The following ALK variants were observed in gnomAD, a reference collection of about 807,000 sequenced individuals.
ALK encodes ALK receptor tyrosine kinase, also known as ALK tyrosine kinase receptor.
Under a neutral mutation model 163.1 loss-of-function variants are expected in ALK, and 74 were observed. The observed-to-expected ratio is 0.45, with a 90% CI of 0.38 to 0.55. The LOEUF (loss-of-function observed/expected upper bound fraction) is 0.55. ALK is among the 20% of genes least tolerant of loss of function. The pLI, the probability that ALK is intolerant of heterozygous loss-of-function variation, is 0.00. For missense variants in ALK, 2,063 were observed against 2,105.3 expected (o/e 0.98, Z 0.39); for synonymous variants, 960 against 843.2 (o/e 1.14, Z -2.40).
At chr2:29,419,376 C>T (rs1268453379) in intron 4 of ALK, among the ~76,000 whole-genome samples, 2 of 151,454 alleles carry the variant, frequency 1.3e-5, no homozygotes, top group Non-Finnish European at 2.9e-5. Context: ...TCCCCATGTG[C>T]TTATAATACA....
At chr2:29,747,763 C>T (rs1680242672) in intron 1 of ALK, among the ~76,000 whole-genome samples, 2 of 152,198 alleles carry the variant, frequency 1.3e-5, no homozygotes, top group Admixed American at 1.3e-4. Context: ...CCCTCCCCCA[C>T]CACCAAATCC....
At chr2:29,744,681 G>T (rs1160479382) in intron 1 of ALK, among the ~76,000 whole-genome samples, 1 of 152,128 alleles carries the variant, frequency 6.6e-6, no homozygotes, top group Admixed American at 6.5e-5. Flanking sequence ...GCTCATGGCA[G>T]CCTCGACCTT....
intron 3 of ALK, among the ~76,000 whole-genome samples, chr2:29,590,846 C>T (rs959457462): frequency 6.6e-6 from 1 of 151,780 alleles, no homozygotes; most frequent in Admixed American, 6.6e-5. Flanking sequence ...CCGAGACGGG[C>T]GGATCACGAG....
intron 9 of ALK, among the ~76,000 whole-genome samples, chr2:29,292,406 A>G (rs1449630024): frequency 1.3e-5 from 2 of 152,240 alleles, no homozygotes; most frequent in Non-Finnish European, 2.9e-5. Flanking sequence ...AACTAGGGGT[A>G]TATCTCTGCA....
intron 2 of ALK, among the ~76,000 whole-genome samples, chr2:29,714,717 A>AT (rs1426481337): frequency 6.6e-6 from 1 of 152,138 alleles, no homozygotes; most frequent in Non-Finnish European, 1.5e-5. Flanking sequence ...TCAGGCAGCA[A>AT]TTTTCCAGTC....
At chr2:29,725,242 T>G (rs537120065) in intron 1 of ALK, among the ~76,000 whole-genome samples, 168 of 151,460 alleles carry the variant, frequency 1.1e-3, no homozygotes, top group Non-Finnish European at 1.9e-3. Context: ...CTCTGGCCAC[T>G]GTTTGCCTTT....
At position 29,581,277 on chromosome 2, in the gene ALK, G is replaced by T. The variant is rs184737920; in HGVS notation, c.953-49161C>A. On this transcript the variant is annotated intron_variant, in intron 3 of 28. Transcript: ENST00000389048. ...GTGACACGCGCCTATAGTCCCAGCT[G>T]CTCGGGAGGCTGAGGCAGGAGAATC... is the stretch of plus-strand genomic sequence containing the variant. 4.5e-3 allele frequency among the ~76,000 whole-genome samples: 678 copies of T among 152,254 alleles called. 4 individuals carry two copies. The highest frequency in any genetic ancestry group is 0.01 in the Middle Eastern group (3 of 294).
chr2:29,778,264 T>C (rs1464992754), intron 1 of ALK, among the ~76,000 whole-genome samples: 1 of 152,200 alleles, frequency 6.6e-6, no homozygotes, highest in African/African-American at 2.4e-5. Context: ...TCCAATGCTG[T>C]TGATGGCAGT....
At chr2:29,558,696 G>C (rs1278016940) in intron 3 of ALK, among the ~76,000 whole-genome samples, 4 of 151,978 alleles carry the variant, frequency 2.6e-5, no homozygotes, top group African/African-American at 9.7e-5. Context: ...CCAAATCTTT[G>C]GGTGCAATAT....
intron 9 of ALK, among the ~76,000 whole-genome samples, chr2:29,288,544 T>A (rs555786956): frequency 6.6e-6 from 1 of 152,342 alleles, no homozygotes; most frequent in East Asian, 1.9e-4. Flanking sequence ...TTCTTTCATA[T>A]CAGCTGCTGA....
At chr2:29,910,966 C>A (rs567669319) in intron 1 of ALK, among the ~76,000 whole-genome samples, 2 of 151,082 alleles carry the variant, frequency 1.3e-5, no homozygotes, top group East Asian at 1.9e-4. Context: ...ATACTCTGGA[C>A]GAAACAACAA....
At chr2:29,740,851 A>C (rs1458502250) in intron 1 of ALK, among the ~76,000 whole-genome samples, 1 of 152,022 alleles carries the variant, frequency 6.6e-6, no homozygotes, top group Non-Finnish European at 1.5e-5. Context: ...AAAACACAAA[A>C]ATTAGCCAGG....
chr2:29,290,869 G>T (rs369023516), intron 9 of ALK, among the ~76,000 whole-genome samples: 3 of 152,262 alleles, frequency 2.0e-5, no homozygotes, highest in Admixed American at 6.5e-5. Context: ...AGGATAAGGG[G>T]AGACTCCAGC....
At chr2:29,847,192 T>G (rs1010141041) in intron 1 of ALK, among the ~76,000 whole-genome samples, 1 of 152,158 alleles carries the variant, frequency 6.6e-6, no homozygotes, top group Non-Finnish European at 1.5e-5. Context: ...TTCTCATCTA[T>G]GAATAGGCAG....
chr2:29,396,696 C>CAAA (rs1001749780), intron 4 of ALK, among the ~76,000 whole-genome samples: 16 of 151,324 alleles, frequency 1.1e-4, no homozygotes, highest in African/African-American at 3.9e-4. Flanking sequence ...CAAAAACAAA[C>CAAA]AAAAAAAACC....
intron 11 of ALK, among the ~76,000 whole-genome samples, chr2:29,251,991 C>T (rs937093136): frequency 2.0e-5 from 3 of 152,212 alleles, no homozygotes; most frequent in Non-Finnish European, 4.4e-5. Context: ...GCAACGAAGA[C>T]AGCTTTCAGG....
At position 29,756,529 on chromosome 2, in the gene ALK, A is replaced by ATTT. The variant is rs35599126; in HGVS notation, c.668-38835_668-38833dup. ...AGTACAGTAGATCATTTACTCATTG[A>ATTT]TTTTTTTTTTTTTTTTTGAGACAGA... is the stretch of plus-strand genomic sequence containing the variant. On this transcript the variant is annotated intron_variant, in intron 1 of 28. Transcript: ENST00000389048. 8.6e-4 allele frequency among the ~76,000 whole-genome samples: 120 copies of ATTT among 138,752 alleles called. 1 individual carries two copies. The highest frequency in any genetic ancestry group is 1.9e-3 in the African/African-American group (69 of 36,930). The allele number at this position is 138,752 out of a possible 152,430, so 91.0% of individuals were successfully genotyped here.
At chr2:29,382,618 A>G (rs79105886) in intron 5 of ALK, among the ~76,000 whole-genome samples, 163 of 152,322 alleles carry the variant, frequency 1.1e-3, no homozygotes, top group African/African-American at 3.7e-3. Context: ...TGTATGGTAC[A>G]TAGATCCTTG....
At chr2:29,768,444 T>C (rs952329949) in intron 1 of ALK, among the ~76,000 whole-genome samples, 1 of 152,148 alleles carries the variant, frequency 6.6e-6, no homozygotes, top group Non-Finnish European at 1.5e-5. Flanking sequence ...ATAGCCTTGA[T>C]TGCATAAAAA....
Sources: gnomAD v4.1 joint callset for allele counts (sites outside exome capture counted in the v4.1 genomes callset) on GRCh38, gnomAD v4.1.1 for gene constraint, MANE v1.5 for transcripts, NCBI Gene and HGNC (gene_info 2026-07-23, HGNC 2026-07-21) for gene names.